Variants in ITPKB observed in about 807,000 individuals in gnomAD.
The protein encoded by ITPKB is inositol-trisphosphate 3-kinase B.
Under a neutral mutation model 69.4 loss-of-function variants are expected in ITPKB, and 13 were observed. The observed-to-expected ratio is 0.19, with a 90% CI of 0.12 to 0.30. The LOEUF (loss-of-function observed/expected upper bound fraction) is 0.30, where lower values mean the gene tolerates loss of function less well. Ranked by LOEUF, ITPKB falls within the 10% of genes least tolerant of loss-of-function variation. The pLI is 1.00. For synonymous variants in ITPKB, 584 were observed against 513.7 expected, an observed-to-expected ratio of 1.14 and a Z score of -1.85; for missense variants, 1,240 against 1,250.5, an observed-to-expected ratio of 0.99 and a Z score of 0.13.
chr1:226,716,531 CA>C (rs1055279704), intron 2 of ITPKB, among the ~76,000 whole-genome samples: 3 of 152,156 alleles, frequency 2.0e-5, no homozygotes, highest in Non-Finnish European at 4.4e-5. Context: ...TATTAAGTCC[CA>C]CATGCATTAG....
chr1:226,691,252 C>CTCTGTTTT (rs1656342743), intron 2 of ITPKB, among the ~76,000 whole-genome samples: 1 of 151,742 alleles, frequency 6.6e-6, no homozygotes. Flanking sequence ...AAAAAAAAAC[C>CTCTGTTTT]TCTGTTTTTT....
At chr1:226,719,143 G>A (rs1558095289) in intron 2 of ITPKB, among the ~76,000 whole-genome samples, 1 of 152,208 alleles carries the variant, frequency 6.6e-6, no homozygotes, top group African/African-American at 2.4e-5. Flanking sequence ...GCCAGTTGTG[G>A]TGGCGTACGC....
chr1:226,703,512 T>C (rs9662124), intron 2 of ITPKB, among the ~76,000 whole-genome samples: 37,234 of 151,984 alleles, frequency 0.24, 5,754 homozygotes, highest in South Asian at 0.39. Context: ...CCCCACCTCC[T>C]CTCTCCTCCC....
At position 226,672,794 on chromosome 1, in the gene ITPKB, T is replaced by C. The variant is rs961408535; in HGVS notation, c.1933-24023A>G. On this transcript the variant is annotated intron_variant, in intron 2 of 7. Coordinates refer to ENST00000429204, the MANE Select transcript of ITPKB (RefSeq NM_002221.4). ...GAAATCTATCTCCTGGGAGGTGTTA[T>C]CACTACATAAATCCCAGATTTGATC... 4.6e-5 allele frequency among the ~76,000 whole-genome samples: 7 copies of C among 152,340 alleles called. No individual in the cohort carries two copies. In the East Asian group the frequency reaches 1.4e-3, roughly 29 times the overall value.
rs1248818775 is a variant in ITPKB, at chr1:226,633,589, T to G, written c.*1082A>C. ...CCACACTACATTGGAGAAGCAGGAA[T>G]CTAAGCCCTCCAGGCAGTAAGGCTT... On this transcript the variant is annotated 3_prime_UTR_variant, in exon 8 of 8. Coordinates refer to ENST00000429204, the MANE Select transcript of ITPKB (RefSeq NM_002221.4). The G allele has an allele frequency of 6.6e-6, 1 of 152,158 alleles. No homozygotes were observed. The highest frequency in any genetic ancestry group is 1.5e-5 in the Non-Finnish European group (1 of 68,032). The allele number at this position is 152,158 out of a possible 1,614,324, so 9.4% of individuals were successfully genotyped here.
chr1:226,728,927 T>C (rs1657502586), intron 2 of ITPKB, among the ~76,000 whole-genome samples: 1 of 152,230 alleles, frequency 6.6e-6, no homozygotes, highest in South Asian at 2.1e-4. Context: ...CCTTTCTTTG[T>C]TCTTCACCTT....
chr1:226,725,563 GC>G (rs981904710), intron 2 of ITPKB, among the ~76,000 whole-genome samples: 1 of 152,170 alleles, frequency 6.6e-6, no homozygotes, highest in African/African-American at 2.4e-5. Flanking sequence ...AAAAGTCCAT[GC>G]CCCCATTAAG....
At chr1:226,678,971 A>C (rs1270593155) in intron 2 of ITPKB, among the ~76,000 whole-genome samples, 1 of 152,208 alleles carries the variant, frequency 6.6e-6, no homozygotes, top group Non-Finnish European at 1.5e-5. Flanking sequence ...GGAAGAGACC[A>C]CATGGTTGCC....
chr1:226,689,612 T>TGTGC (rs1491450378), intron 2 of ITPKB, among the ~76,000 whole-genome samples: 27 of 145,398 alleles, frequency 1.9e-4, no homozygotes, highest in South Asian at 1.3e-3. Flanking sequence ...TGTGTGTGTG[T>TGTGC]GCATGCATAT....
chr1:226,696,435 A>G (rs1656488438), intron 2 of ITPKB, among the ~76,000 whole-genome samples: 1 of 152,150 alleles, frequency 6.6e-6, no homozygotes, highest in Non-Finnish European at 1.5e-5. Flanking sequence ...GCACGTAGAT[A>G]GCAACTTATT....
At chr1:226,721,348 C>CAAAAAAAAAAA (rs11353595) in intron 2 of ITPKB, among the ~76,000 whole-genome samples, 1 of 64,658 alleles carries the variant, frequency 1.5e-5, no homozygotes, top group Non-Finnish European at 3.1e-5. Context: ...AACTCTGTCT[C>CAAAAAAAAAAA]AAAAAAAAAA....
intron 6 of ITPKB, among the ~76,000 whole-genome samples, chr1:226,638,161 G>A (rs917892586): frequency 6.6e-5 from 10 of 152,178 alleles, no homozygotes; most frequent in South Asian, 2.1e-4. Context: ...ACAGCTGGCC[G>A]GGCCAGCCGA....
chr1:226,714,802 A>C (rs900428060), intron 2 of ITPKB, among the ~76,000 whole-genome samples: 1 of 152,162 alleles, frequency 6.6e-6, no homozygotes, highest in Non-Finnish European at 1.5e-5. Context: ...CATAGCATTC[A>C]CTCATCTGGG....
At chr1:226,647,140 A>C (rs1558301728) in intron 4 of ITPKB, 27 bp downstream of exon 4, 1 of 1,604,344 alleles carries the variant, frequency 6.2e-7, no homozygotes, top group East Asian at 2.2e-5. Context: ...TGAGGCAGGC[A>C]TGTGGGCTGC....
chr1:226,663,721 G>A (rs754669660), intron 2 of ITPKB, among the ~76,000 whole-genome samples: 95 of 152,084 alleles, frequency 6.2e-4, no homozygotes, highest in African/African-American at 1.9e-3. Flanking sequence ...GGGTTTTGCC[G>A]TGTTGCCCAG....
chr1:226,736,473 C>G lies in ITPKB; in HGVS notation c.986G>C (p.Arg329Thr), dbSNP rs1271661855. ...CTGCAGGTCCTCAAGCTCACGGGCT[C>G]TCCCAGACGGCTCAGTGAGGGCAAG... Reference protein sequence around the residue: ...QDLALTEPSGRARELEDLQPP... With the variant: ...QDLALTEPSGTARELEDLQPP... Residue 329 changes from arginine (R) to threonine (T), a missense_variant, in exon 2 of 8, where the codon AGA becomes ACA. Arg to Thr is a moderately conservative substitution (Grantham distance 71). Coordinates refer to ENST00000429204, the MANE Select transcript of ITPKB (RefSeq NM_002221.4). The G allele has an allele frequency of 1.9e-6, 3 of 1,613,918 alleles. No homozygotes were observed. Among genetic ancestry groups the G allele is most frequent in the East Asian group, 2.2e-5 (1 of 44,884 alleles).
At chr1:226,729,372 T>C (rs142889658) in intron 2 of ITPKB, among the ~76,000 whole-genome samples, 1,867 of 150,934 alleles carry the variant, frequency 0.012, 85 homozygotes, top group East Asian at 0.072. Context: ...GTCCCAGCTA[T>C]TCGGAAGGCT....
intron 7 of ITPKB, among the ~76,000 whole-genome samples, chr1:226,636,817 TTGTG>T (rs1431150486): frequency 1.3e-4 from 17 of 135,040 alleles, no homozygotes; most frequent in African/African-American, 4.5e-4. Context: ...GCATGCATGT[TTGTG>T]TATGAGTGGG....
intron 2 of ITPKB, among the ~76,000 whole-genome samples, chr1:226,649,273 G>A (rs1293091184): frequency 6.6e-6 from 1 of 150,744 alleles, no homozygotes; most frequent in Non-Finnish European, 1.5e-5. Context: ...AGGACTGGGA[G>A]TGTGCATGTG....
Sources: gnomAD v4.1 joint callset for allele counts (sites outside exome capture counted in the v4.1 genomes callset) on GRCh38, gnomAD v4.1.1 for gene constraint, MANE v1.5 for transcripts, NCBI Gene and HGNC (gene_info 2026-07-23, HGNC 2026-07-21) for gene names.